EIF4G3: variants seen among roughly 807,000 people sequenced by gnomAD.
The protein encoded by EIF4G3 is eukaryotic translation initiation factor 4 gamma 3.
EIF4G3 carries 34 observed loss-of-function variants against 186.4 expected under a neutral mutation model. The ratio of observed to expected loss-of-function variants is 0.18; its 90% CI spans 0.14 to 0.24. The LOEUF (loss-of-function observed/expected upper bound fraction) is 0.24. EIF4G3 is among the 10% of genes least tolerant of loss of function. The probability of loss-of-function intolerance (pLI) is 1.00; values close to 1 mark genes in which losing one functional copy is unlikely to be tolerated. For synonymous variants in EIF4G3, 673 were observed against 679.5 expected (o/e 0.99, Z 0.15); for missense variants, 1,536 against 1,948.5 (o/e 0.79, Z 3.99).
intron 4 of EIF4G3, among the ~76,000 whole-genome samples, chr1:21,028,548 G>A (rs2092411219): frequency 6.6e-6 from 1 of 152,246 alleles, no homozygotes; most frequent in Admixed American, 6.5e-5. Context: ...CTTAAGGTGA[G>A]TGGTGGTTGG....
intron 2 of EIF4G3, among the ~76,000 whole-genome samples, chr1:21,164,258 T>C (rs1042566713): frequency 4.6e-5 from 7 of 152,182 alleles, no homozygotes; most frequent in African/African-American, 1.4e-4. Context: ...TTATACTCTA[T>C]TTTTTACAAA....
chr1:20,934,319 C>G (rs1010650317), intron 14 of EIF4G3, among the ~76,000 whole-genome samples: 1 of 151,862 alleles, frequency 6.6e-6, no homozygotes, highest in Non-Finnish European at 1.5e-5. Flanking sequence ...CAGTTTGGGT[C>G]AGAAGAAAAA....
intron 7 of EIF4G3, among the ~76,000 whole-genome samples, chr1:20,991,523 G>A (rs1026344129): frequency 9.2e-5 from 14 of 151,554 alleles, no homozygotes; most frequent in South Asian, 6.3e-4. Context: ...AGCTGAGATC[G>A]TGCCACTGCA....
chr1:21,029,319 C>A (rs1367925773), intron 4 of EIF4G3, among the ~76,000 whole-genome samples: 1 of 151,954 alleles, frequency 6.6e-6, no homozygotes, highest in African/African-American at 2.4e-5. Context: ...CATGCCTGGC[C>A]CCAATCATAA....
At chr1:20,947,036 T>C (rs1463253664) in intron 13 of EIF4G3, among the ~76,000 whole-genome samples, 2 of 152,164 alleles carry the variant, frequency 1.3e-5, no homozygotes, top group Non-Finnish European at 2.9e-5. Context: ...AAAAGGAATC[T>C]ACAGTGAAGA....
At chr1:20,830,572 GCT>G (rs1214934272) in intron 30 of EIF4G3, among the ~76,000 whole-genome samples, 2 of 152,198 alleles carry the variant, frequency 1.3e-5, no homozygotes, top group Non-Finnish European at 2.9e-5. Context: ...GCCAACTCAT[GCT>G]CTGTGGGCTA....
chr1:20,839,333 GA>G lies in EIF4G3; in HGVS notation c.4061+1522del, dbSNP rs1365998700. On this transcript the variant is annotated intron_variant, in intron 30 of 36. Transcript: ENST00000602326. ...TCACCACGTTGTTCAGGCTGGTCTC[GA>G]ACTCCTGACCTCGTGATCTGCCCAC... is the stretch of plus-strand genomic sequence containing the variant. Among the ~76,000 whole-genome samples, 9 of 152,078 alleles carry G rather than the reference GA, an allele frequency of 5.9e-5. No individual in the cohort carries two copies. The East Asian group carries it at 1.8e-3, about 30-fold the overall frequency.
At position 20,942,136 on chromosome 1, in the gene EIF4G3, A is replaced by G. The variant is rs146145371; in HGVS notation, c.1018T>C (p.Ser340Pro). Residue 340 changes from serine (S) to proline (P), a missense_variant, in exon 14 of 37, where the codon TCT becomes CCT. This residue lies in a region of EIF4G3 where 560 missense variants were observed against 547.8 expected (regional missense o/e 1.02). Coordinates refer to ENST00000602326, the MANE Select transcript of EIF4G3 (RefSeq NM_001391906.1). ...VARSTIAAPT[S>P]SALSSQPIFT... ...ATTGGTTGGCTACTAAGAGCAGAAGAGGTGGGGGCTGCAATTGTACTTCGA... is the reference window on the plus strand; with the variant it reads ...ATTGGTTGGCTACTAAGAGCAGAAGGGGTGGGGGCTGCAATTGTACTTCGA... The G allele has an allele frequency of 2.5e-5, 41 of 1,614,014 alleles. No homozygotes were observed. In the African/African-American group the frequency reaches 5.3e-4, roughly 21 times the overall value.
intron 2 of EIF4G3, among the ~76,000 whole-genome samples, chr1:21,110,110 TTAAAG>T (rs1275877865): frequency 3.9e-5 from 6 of 152,208 alleles, no homozygotes; most frequent in African/African-American, 1.4e-4. Flanking sequence ...AGTAGAAACT[TTAAAG>T]TAAAGTGAAA....
At chr1:21,027,739 C>G (rs2154571581) in intron 4 of EIF4G3, among the ~76,000 whole-genome samples, 1 of 152,226 alleles carries the variant, frequency 6.6e-6, no homozygotes, top group Non-Finnish European at 1.5e-5. Flanking sequence ...ATGGCATTTT[C>G]ACAAAAAATA....
chr1:20,870,747 T>G (rs1409665706), intron 20 of EIF4G3, among the ~76,000 whole-genome samples: 5 of 152,224 alleles, frequency 3.3e-5, no homozygotes, highest in Non-Finnish European at 7.4e-5. Context: ...AATTCAGATG[T>G]CCTCCTCCAA....
intron 2 of EIF4G3, among the ~76,000 whole-genome samples, chr1:21,144,973 G>T (rs2097410895): frequency 6.6e-6 from 1 of 152,088 alleles, no homozygotes; most frequent in Non-Finnish European, 1.5e-5. Context: ...CTGCTAGCTA[G>T]AGTAATAACA....
rs570211525 is a variant in EIF4G3, at chr1:20,943,399, T to C, written c.824-1069A>G. 3.9e-5 allele frequency among the ~76,000 whole-genome samples: 6 copies of C among 152,110 alleles called. 1 individual carries two copies. Among genetic ancestry groups the C allele is most frequent in the Non-Finnish European group, 8.8e-5 (6 of 68,010 alleles). ...GAGAAGCTGGTCATCATAATGCGGG[T>C]ACCAGAAAAACACAAGGAACAATAA... On this transcript the variant is annotated intron_variant, in intron 13 of 36. Transcript: ENST00000602326.
At chr1:21,053,957 G>A (rs1317039492) in intron 3 of EIF4G3, among the ~76,000 whole-genome samples, 39 of 152,172 alleles carry the variant, frequency 2.6e-4, no homozygotes, top group Admixed American at 1.4e-3. Flanking sequence ...CCACCACCCC[G>A]TCTGGGAGGT....
At chr1:21,152,367 T>TA (rs1267734821) in intron 2 of EIF4G3, among the ~76,000 whole-genome samples, 1 of 127,874 alleles carries the variant, frequency 7.8e-6, no homozygotes, top group Non-Finnish European at 1.7e-5. Flanking sequence ...ATAAAATTTT[T>TA]AAAAAAATCT....
chr1:20,864,342 A>T (rs2077104141), intron 22 of EIF4G3, 134 bp downstream of exon 22: 1 of 719,280 alleles, frequency 1.4e-6, no homozygotes, highest in South Asian at 1.8e-5. Context: ...AACACTGACA[A>T]TGAGACGGGC....
intron 14 of EIF4G3, among the ~76,000 whole-genome samples, chr1:20,908,291 C>A (rs1048906285): frequency 2.0e-5 from 3 of 151,976 alleles, no homozygotes; most frequent in Non-Finnish European, 2.9e-5. Flanking sequence ...TGGATATTAG[C>A]CCTTTGTCAG....
chr1:21,105,527 AAT>A (rs1349668833), intron 2 of EIF4G3, among the ~76,000 whole-genome samples: 39 of 129,504 alleles, frequency 3.0e-4, no homozygotes, highest in Middle Eastern at 3.8e-3. Context: ...CTGAACCTAA[AAT>A]ATGTTTTTTT....
chr1:20,855,090 C>A lies in EIF4G3; in HGVS notation c.3340-19G>T. The A allele has an allele frequency of 6.5e-7, 1 of 1,540,238 alleles. No individual in the cohort carries two copies. The highest frequency in any genetic ancestry group is 8.9e-7 in the Non-Finnish European group (1 of 1,118,796). On this transcript the variant is annotated intron_variant, in intron 25 of 36. Transcript: ENST00000602326. ...TTGTAGGCTGTAACATAAGGGACCA[C>A]AAGTCAATTATAGGAAATATTCTAG...
Sources: gnomAD v4.1 joint callset for allele counts (sites outside exome capture counted in the v4.1 genomes callset) on GRCh38, gnomAD v4.1.1 for gene constraint, gnomAD v4.1.1 regional missense constraint, MANE v1.5 for transcripts, NCBI Gene and HGNC (gene_info 2026-07-23, HGNC 2026-07-21) for gene names.